Variants in DIS3L2 observed in about 807,000 individuals in gnomAD.
DIS3L2 encodes the protein DIS3-like exonuclease 2.
Under a neutral mutation model 97.5 loss-of-function variants are expected in DIS3L2, and 34 were observed. The observed-to-expected ratio is 0.35, with a 90% CI of 0.27 to 0.46. The LOEUF (loss-of-function observed/expected upper bound fraction) is 0.46, where lower values mean the gene tolerates loss of function less well. Among genes scored for constraint, DIS3L2 ranks in the 20% least tolerant of loss-of-function variants. The pLI, the probability that DIS3L2 is intolerant of heterozygous loss-of-function variation, is 1.00. For synonymous variants in DIS3L2, 435 were observed against 445.2 expected (o/e 0.98, Z 0.29); for missense variants, 1,038 against 1,146.0 (o/e 0.91, Z 1.36).
At chr2:232,224,990 C>T (rs1381056272) in intron 10 of DIS3L2, among the ~76,000 whole-genome samples, 2 of 152,084 alleles carry the variant, frequency 1.3e-5, no homozygotes. Flanking sequence ...AACCAATGGT[C>T]AAACACATGA....
chr2:232,038,208 G>A (rs1180121305), intron 5 of DIS3L2, among the ~76,000 whole-genome samples: 1 of 152,142 alleles, frequency 6.6e-6, no homozygotes, highest in Non-Finnish European at 1.5e-5. Flanking sequence ...GGTCCAAGAA[G>A]ATAAGAGAAG....
chr2:232,071,238 T>C (rs1696007606), intron 5 of DIS3L2, among the ~76,000 whole-genome samples: 1 of 152,160 alleles, frequency 6.6e-6, no homozygotes, highest in Non-Finnish European at 1.5e-5. Context: ...AGACCTATTC[T>C]TGGCTCGCTG....
intron 1 of DIS3L2, among the ~76,000 whole-genome samples, chr2:231,969,415 AT>A (rs1164047219): frequency 6.6e-6 from 1 of 151,306 alleles, no homozygotes; most frequent in African/African-American, 2.4e-5. Flanking sequence ...GGTTCAAGCA[AT>A]TCTTCTGCCT....
chr2:232,182,177 T>A (rs1462732560), intron 9 of DIS3L2, among the ~76,000 whole-genome samples: 1 of 152,180 alleles, frequency 6.6e-6, no homozygotes, highest in Non-Finnish European at 1.5e-5. Context: ...CCTTTGAGAT[T>A]TCTTCTTTGA....
intron 5 of DIS3L2, among the ~76,000 whole-genome samples, chr2:232,066,015 TATA>T (rs1056829088): frequency 3.9e-5 from 6 of 151,940 alleles, no homozygotes; most frequent in Admixed American, 3.9e-4. Context: ...ATATATTTTT[TATA>T]ATGTCCTGCA....
At chr2:232,263,488 G>C (rs765929193) in intron 13 of DIS3L2, 48 bp downstream of exon 13, 28 of 1,593,150 alleles carry the variant, frequency 1.8e-5, no homozygotes, top group Non-Finnish European at 2.4e-5. Context: ...ACTCGTGCCT[G>C]AACCCAGCGT....
chr2:231,962,083 T>G (rs531637657), intron 1 of DIS3L2, among the ~76,000 whole-genome samples: 1 of 152,162 alleles, frequency 6.6e-6, no homozygotes, highest in Non-Finnish European at 1.5e-5. Flanking sequence ...AGCCTGTTGC[T>G]GTAGAGAGGA....
intron 9 of DIS3L2, among the ~76,000 whole-genome samples, chr2:232,171,464 TC>T (rs1480466204): frequency 6.6e-6 from 1 of 152,162 alleles, no homozygotes; most frequent in African/African-American, 2.4e-5. Context: ...GAAAATGGTA[TC>T]CCATCAGTGA....
intron 1 of DIS3L2, among the ~76,000 whole-genome samples, chr2:231,989,659 C>G (rs997535966): frequency 1.3e-5 from 2 of 151,934 alleles, no homozygotes; most frequent in African/African-American, 4.8e-5. Context: ...CATAGTGAGA[C>G]CTTGTCTCTA....
rs1559185098 is a variant in DIS3L2 at position 232,270,864 on chromosome 2, CT to C, written c.1659+7425del. Among the ~76,000 whole-genome samples, 101 of 20,778 alleles carry C rather than the reference CT, an allele frequency of 4.9e-3. 2 individuals are homozygous for C. The highest frequency in any genetic ancestry group is 0.016 in the African/African-American group (66 of 4,136). 13.6% of individuals were successfully genotyped at this position (20,778 alleles called of 152,430 possible). On this transcript the variant is annotated intron_variant, in intron 13 of 20. Transcript: ENST00000325385. ...CTCGCGCGCTCTCTTTTTCTCGTCT[CT>C]CTCTCTCTCTCTCTCTCTCTCTCTC...
intron 1 of DIS3L2, among the ~76,000 whole-genome samples, chr2:232,013,797 TTCTC>T (rs769761296): frequency 1.4e-4 from 22 of 152,334 alleles, no homozygotes; most frequent in Admixed American, 5.2e-4. Context: ...GGCCATCTCT[TTCTC>T]TCCCTTCTTT....
chr2:232,043,684 A>G (rs1157300743), intron 5 of DIS3L2, among the ~76,000 whole-genome samples: 1 of 152,248 alleles, frequency 6.6e-6, no homozygotes, highest in East Asian at 1.9e-4. Flanking sequence ...GGGTATGATA[A>G]CAAGTAAATT....
At chr2:232,013,339 C>A (rs897561589) in intron 1 of DIS3L2, among the ~76,000 whole-genome samples, 1 of 152,232 alleles carries the variant, frequency 6.6e-6, no homozygotes, top group African/African-American at 2.4e-5. Context: ...GCTTTGAAAA[C>A]TCCCTAGTGC....
intron 10 of DIS3L2, among the ~76,000 whole-genome samples, chr2:232,211,535 C>A (rs184737536): frequency 1.3e-5 from 2 of 152,220 alleles, no homozygotes; most frequent in Non-Finnish European, 2.9e-5. Flanking sequence ...TGGGTGACTG[C>A]TTTGGCTTTG....
chr2:232,113,057 G>C (rs1194401114), intron 6 of DIS3L2, among the ~76,000 whole-genome samples: 1 of 152,096 alleles, frequency 6.6e-6, no homozygotes, highest in Non-Finnish European at 1.5e-5. Flanking sequence ...ATCTATGGCT[G>C]CTTAGAGCTC....
At chr2:232,238,387 A>G in intron 10 of DIS3L2, 146 bp from the exon 11 acceptor site, 2 of 599,810 alleles carry the variant, frequency 3.3e-6, no homozygotes, top group Non-Finnish European at 5.9e-6. Context: ...GAGGTGGCCA[A>G]GGAAGGAAGC....
Position 232,205,916 on chromosome 2 carries a change from A to G in DIS3L2, c.1125-4410A>G, listed in dbSNP as rs529355745. ...TCCTTATACTGCATCAACTTCCCCC[A>G]TAAGTGTACTCTATAAAAGGATACT... On this transcript the variant is annotated intron_variant, in intron 9 of 20. Transcript: ENST00000325385. Among the ~76,000 whole-genome samples the G allele has an allele frequency of 5.9e-5, 9 of 152,324 alleles. 1 individual carries two copies. In the East Asian group the frequency reaches 1.2e-3, roughly 20 times the overall value.
chr2:232,111,120 A>G, intron 6 of DIS3L2: 1 of 410,496 alleles, frequency 2.4e-6, no homozygotes, highest in South Asian at 1.8e-5. Context: ...GGGCAAATTT[A>G]AAAAGATCTT....
chr2:232,272,770 G>T (rs892154421), intron 13 of DIS3L2, among the ~76,000 whole-genome samples: 1 of 152,206 alleles, frequency 6.6e-6, no homozygotes, highest in East Asian at 1.9e-4. Flanking sequence ...TCCTCTATCA[G>T]ACTGGAACTG....
Sources: gnomAD v4.1 joint callset for allele counts (sites outside exome capture counted in the v4.1 genomes callset) on GRCh38, gnomAD v4.1.1 for gene constraint, MANE v1.5 for transcripts, NCBI Gene and HGNC (gene_info 2026-07-23, HGNC 2026-07-21) for gene names.